CMIP: variants seen among roughly 807,000 people sequenced by gnomAD.
CMIP encodes the protein C-Maf-inducing protein.
Under a neutral mutation model 97.3 loss-of-function variants are expected in CMIP, and 13 were observed. The ratio of observed to expected loss-of-function variants is 0.13; its 90% confidence interval spans 0.09 to 0.21. The LOEUF (loss-of-function observed/expected upper bound fraction) is 0.21. Among genes scored for constraint, CMIP ranks in the 10% least tolerant of loss-of-function variants. The probability of loss-of-function intolerance (pLI) is 1.00; values close to 1 mark genes in which losing one functional copy is unlikely to be tolerated. For missense variants in CMIP, 847 were observed against 1,024.9 expected, an observed-to-expected ratio of 0.83 and a Z score of 2.37; for synonymous variants, 538 against 436.3, an observed-to-expected ratio of 1.23 and a Z score of -2.91.
chr16:81,620,783 A>C, intron 2 of CMIP, 93 bp from the exon 3 acceptor site: 1 of 1,451,662 alleles, frequency 6.9e-7, no homozygotes, highest in African/African-American at 1.4e-5. Context: ...CTGTCTACAG[A>C]GCAGGCTTGG....
chr16:81,635,867 C>T (rs2092227885), intron 3 of CMIP, among the ~76,000 whole-genome samples: 1 of 151,642 alleles, frequency 6.6e-6, no homozygotes, highest in African/African-American at 2.4e-5. Flanking sequence ...AAAGCCTGGA[C>T]TATTATTATT....
At chr16:81,532,497 C>T (rs2090258060) in intron 1 of CMIP, among the ~76,000 whole-genome samples, 1 of 152,162 alleles carries the variant, frequency 6.6e-6, no homozygotes, top group South Asian at 2.1e-4. Context: ...TTTAGAATCC[C>T]GGGGGTCGCC....
intron 1 of CMIP, chr16:81,476,408 C>T (rs1282389246): frequency 1.2e-5 from 13 of 1,081,374 alleles, no homozygotes; most frequent in Admixed American, 1.0e-4. Flanking sequence ...GTGCTCAGAG[C>T]GTGAAAGTTT....
At chr16:81,630,572 C>T (rs1323532977) in intron 3 of CMIP, 3 of 152,260 alleles carry the variant, frequency 2.0e-5, no homozygotes, top group African/African-American at 7.2e-5. Flanking sequence ...CTCACAGAAG[C>T]TTCTGTGGAA....
intron 1 of CMIP, among the ~76,000 whole-genome samples, chr16:81,550,680 C>T (rs944827967): frequency 2.0e-5 from 3 of 152,194 alleles, no homozygotes; most frequent in Non-Finnish European, 2.9e-5. Context: ...TTAGAAACTA[C>T]TAGAAGGCTG....
chr16:81,501,552 G>T (rs937958107), intron 1 of CMIP, among the ~76,000 whole-genome samples: 2 of 152,024 alleles, frequency 1.3e-5, no homozygotes, highest in African/African-American at 4.8e-5. Context: ...GGGGTCGGGG[G>T]CAGGATCTCA....
At chr16:81,615,220 ATG>A (rs1230901849) in intron 2 of CMIP, among the ~76,000 whole-genome samples, 2 of 91,186 alleles carry the variant, frequency 2.2e-5, no homozygotes, top group African/African-American at 4.4e-5. Flanking sequence ...TATGGTGTGT[ATG>A]TGTGTATGGT....
chr16:81,504,637 G>T (rs2089672084), intron 1 of CMIP, among the ~76,000 whole-genome samples: 1 of 67,624 alleles, frequency 1.5e-5, no homozygotes, highest in African/African-American at 7.1e-5. Flanking sequence ...AGTGAGACTC[G>T]TCTCAAAAAA....
chr16:81,596,082 A>G (rs1000253487), intron 1 of CMIP, among the ~76,000 whole-genome samples: 1 of 152,052 alleles, frequency 6.6e-6, no homozygotes, highest in African/African-American at 2.4e-5. Flanking sequence ...TTCTCTATCC[A>G]TCCTAGTGGG....
intron 1 of CMIP, among the ~76,000 whole-genome samples, chr16:81,450,784 C>T (rs1280741623): frequency 6.6e-6 from 1 of 152,206 alleles, no homozygotes; most frequent in Non-Finnish European, 1.5e-5. Context: ...TTGAAATACT[C>T]ATGTATGCAT....
chr16:81,562,059 G>A (rs950077191), intron 1 of CMIP, among the ~76,000 whole-genome samples: 12 of 152,222 alleles, frequency 7.9e-5, no homozygotes, highest in Admixed American at 2.0e-4. Flanking sequence ...GGACACACTC[G>A]TGGGTTAGAT....
chr16:81,530,456 C>T (rs1597512381), intron 1 of CMIP, among the ~76,000 whole-genome samples: 1 of 152,042 alleles, frequency 6.6e-6, no homozygotes, highest in Non-Finnish European at 1.5e-5. Flanking sequence ...AAACAGATTT[C>T]TCTTGGTGGG....
At chr16:81,598,962 C>T (rs941590408) in intron 1 of CMIP, among the ~76,000 whole-genome samples, 1 of 97,474 alleles carries the variant, frequency 1.0e-5, no homozygotes, top group African/African-American at 5.2e-5. Context: ...GAGCAAGACT[C>T]TGTCTCAAAA....
rs541766713 is a variant in CMIP at position 81,564,119 on chromosome 16, G to C, written c.301-43448G>C. Among the ~76,000 whole-genome samples, 5 of 152,364 alleles carry C rather than the reference G, an allele frequency of 3.3e-5. No homozygotes were observed. In the East Asian group the frequency reaches 9.6e-4, roughly 29 times the overall value. ...ACTGGGGCAGGTAGGACAGAAGCAG[G>C]TGGTGACATCACAGTGGAGCCCAGA... On this transcript the variant is annotated intron_variant, in intron 1 of 20. Transcript: ENST00000537098.
chr16:81,550,460 T>C (rs1174571530), intron 1 of CMIP, among the ~76,000 whole-genome samples: 1 of 152,170 alleles, frequency 6.6e-6, no homozygotes, highest in Non-Finnish European at 1.5e-5. Context: ...GTTGCTTCTT[T>C]CTGCTCATGC....
In CMIP at chr16:81,652,168, T is replaced by C; in HGVS notation, c.478-35T>C. Reference sequence around the variant, plus strand: ...CCATCTTCTGCCTTCCTTACGTGAGTAACATGTTGCTGTCTCTTTATCTCT... The same window carrying C: ...CCATCTTCTGCCTTCCTTACGTGAGCAACATGTTGCTGTCTCTTTATCTCT... On this transcript the variant is annotated intron_variant, in intron 3 of 20. Transcript: ENST00000537098. This position sits in a 1 kb window ranked among gnomAD's most constrained non-coding sequence, Gnocchi z 5.2. 6.4e-7 allele frequency: 1 copy of C among 1,563,996 alleles called. No individual in the cohort carries two copies. The highest frequency in any genetic ancestry group is 2.2e-5 in the East Asian group (1 of 44,604).
At chr16:81,458,584 C>T (rs563749234) in intron 1 of CMIP, among the ~76,000 whole-genome samples, 52 of 152,294 alleles carry the variant, frequency 3.4e-4, no homozygotes, top group African/African-American at 7.2e-4. Context: ...GAGGAAACCC[C>T]CTGCCTCCAC....
At chr16:81,497,703 C>T (rs1432361823) in intron 1 of CMIP, among the ~76,000 whole-genome samples, 1 of 152,238 alleles carries the variant, frequency 6.6e-6, no homozygotes, top group Admixed American at 6.5e-5. Context: ...GTGCAGAATC[C>T]CGGTTTTCTG....
At chr16:81,500,288 T>TTCCTTCCTTCCTTCCC (rs2089577671) in intron 1 of CMIP, among the ~76,000 whole-genome samples, 2 of 136,242 alleles carry the variant, frequency 1.5e-5, no homozygotes, top group Admixed American at 1.5e-4. Context: ...CCTTCCTTCC[T>TTCCTTCCTTCCTTCCC]TCCTTCCTTC....
Sources: allele counts gnomAD v4.1 joint callset (sites outside exome capture counted in the v4.1 genomes callset), GRCh38; gene constraint gnomAD v4.1.1; non-coding constraint Gnocchi (gnomAD v3.1); transcripts MANE v1.5; gene names NCBI Gene and HGNC (gene_info 2026-07-23, HGNC 2026-07-21).